The following TNR variants were observed in gnomAD, a reference collection of about 807,000 sequenced individuals.
TNR encodes tenascin-R.
A neutral mutation model predicts 150.4 loss-of-function variants in TNR; 45 were observed. The observed-to-expected ratio is 0.30, with a 90% CI of 0.24 to 0.38. The LOEUF (loss-of-function observed/expected upper bound fraction) is 0.38. Ranked by LOEUF, TNR falls within the 10% of genes least tolerant of loss-of-function variation. The pLI, the probability that TNR is intolerant of heterozygous loss-of-function variation, is 1.00. For missense variants in TNR, 1,544 were observed against 1,759.1 expected (o/e 0.88, Z 2.19); for synonymous variants, 687 against 678.4 (o/e 1.01, Z -0.20).
intron 4 of TNR, among the ~76,000 whole-genome samples, chr1:175,398,297 A>T (rs1417499005): frequency 6.6e-6 from 1 of 152,260 alleles, no homozygotes; most frequent in Admixed American, 6.5e-5. Context: ...AACAGTCTAG[A>T]AAGCAGAGCT....
chr1:175,726,152 G>T (rs1489179504), intron 1 of TNR, among the ~76,000 whole-genome samples: 1 of 152,048 alleles, frequency 6.6e-6, no homozygotes, highest in Non-Finnish European at 1.5e-5. Context: ...GTGCTATTGG[G>T]TATGCTAAAG....
At chr1:175,407,962 A>G (rs1654033485) in intron 2 of TNR, among the ~76,000 whole-genome samples, 1 of 152,208 alleles carries the variant, frequency 6.6e-6, no homozygotes, top group Non-Finnish European at 1.5e-5. Context: ...TCCCAGGAAT[A>G]TCGCGATTAG....
intron 1 of TNR, among the ~76,000 whole-genome samples, chr1:175,572,665 C>T (rs1170246850): frequency 6.6e-6 from 1 of 151,292 alleles, no homozygotes; most frequent in Non-Finnish European, 1.5e-5. Flanking sequence ...ATACATATAC[C>T]ATAATATAAT....
chr1:175,428,515 C>G (rs771261323), intron 2 of TNR, among the ~76,000 whole-genome samples: 1 of 152,094 alleles, frequency 6.6e-6, no homozygotes, highest in Non-Finnish European at 1.5e-5. Context: ...TTCTAAGCAA[C>G]CCTGGAAGTC....
At chr1:175,702,989 G>A (rs939215378) in intron 1 of TNR, among the ~76,000 whole-genome samples, 22 of 151,652 alleles carry the variant, frequency 1.5e-4, no homozygotes, top group African/African-American at 4.6e-4. Context: ...CTTAGCATCT[G>A]CTCTATACAG....
chr1:175,361,364 T>G (rs1651578606), intron 14 of TNR, among the ~76,000 whole-genome samples: 1 of 152,210 alleles, frequency 6.6e-6, no homozygotes, highest in Non-Finnish European at 1.5e-5. Context: ...GAAGGTGGGA[T>G]AGAGGCTTCT....
intron 18 of TNR, among the ~76,000 whole-genome samples, chr1:175,353,705 G>A (rs1651173178): frequency 1.3e-5 from 2 of 152,230 alleles, no homozygotes; most frequent in Non-Finnish European, 2.9e-5. Context: ...CAGGTTTAAT[G>A]TTGAGGGTTT....
chr1:175,568,378 G>A (rs530233003), intron 1 of TNR, among the ~76,000 whole-genome samples: 79 of 152,034 alleles, frequency 5.2e-4, no homozygotes, highest in African/African-American at 1.9e-3. Context: ...AGAGCCTCGG[G>A]CCCATGAAAC....
At chr1:175,502,544 G>A (rs1658782732) in intron 2 of TNR, among the ~76,000 whole-genome samples, 1 of 152,114 alleles carries the variant, frequency 6.6e-6, no homozygotes, top group Non-Finnish European at 1.5e-5. Context: ...CTCAGTTAAA[G>A]CCACATACAA....
intron 5 of TNR, 129 bp downstream of exon 5, chr1:175,396,415 C>T: frequency 2.4e-6 from 3 of 1,226,028 alleles, no homozygotes; most frequent in Non-Finnish European, 3.4e-6. Flanking sequence ...ATCTCTAGCC[C>T]TTCCCCTCAA....
At chr1:175,715,242 C>A (rs1462941393) in intron 1 of TNR, among the ~76,000 whole-genome samples, 2 of 152,184 alleles carry the variant, frequency 1.3e-5, no homozygotes, top group Admixed American at 6.5e-5. Flanking sequence ...GCTCTCAGTA[C>A]CCATTCCATG....
chr1:175,428,718 A>G (rs1309000248), intron 2 of TNR, among the ~76,000 whole-genome samples: 1 of 152,188 alleles, frequency 6.6e-6, no homozygotes, highest in East Asian at 1.9e-4. Context: ...ACTCAAATAC[A>G]AATCTCTTTA....
Position 175,370,338 on chromosome 1 carries a change from C to CTTTTTTTTTTTTT in TNR, c.1964-3054_1964-3042dup, listed in dbSNP as rs55795922. 1.0e-3 allele frequency among the ~76,000 whole-genome samples: 43 copies of CTTTTTTTTTTTTT among 42,970 alleles called. 6 individuals carry two copies. The highest frequency in any genetic ancestry group is 2.3e-3 in the African/African-American group (27 of 11,800). 28.2% of individuals were successfully genotyped at this position (42,970 alleles called of 152,430 possible). A position where few individuals can be genotyped will look rare whatever the true frequency, so the allele number is the denominator to read the frequency against. ...GAGAACTATTCCTGGATTTTGAGTA[C>CTTTTTTTTTTTTT]TTTTTTTTTTTTTTTTTTTTTTTTT... On this transcript the variant is annotated intron_variant, in intron 9 of 22. Transcript: ENST00000367674.
chr1:175,621,054 G>T (rs1410348260), intron 1 of TNR, among the ~76,000 whole-genome samples: 1 of 152,088 alleles, frequency 6.6e-6, no homozygotes, highest in Non-Finnish European at 1.5e-5. Flanking sequence ...CTTTGCTATC[G>T]CTCTTGCCTT....
At chr1:175,707,151 T>G (rs16848992) in intron 1 of TNR, among the ~76,000 whole-genome samples, 9,020 of 152,272 alleles carry the variant, frequency 0.059, 346 homozygotes, top group East Asian at 0.17. Context: ...ATTTCAAAAA[T>G]AGACATATGC....
At chr1:175,507,290 T>C (rs902799230) in intron 2 of TNR, among the ~76,000 whole-genome samples, 3 of 152,218 alleles carry the variant, frequency 2.0e-5, no homozygotes, top group Admixed American at 2.0e-4. Flanking sequence ...CTGGGAATCC[T>C]GATTTCAAGG....
At chr1:175,636,945 T>C (rs1664508266) in intron 1 of TNR, among the ~76,000 whole-genome samples, 2 of 152,256 alleles carry the variant, frequency 1.3e-5, no homozygotes, top group Non-Finnish European at 2.9e-5. Flanking sequence ...ACTCAATTTA[T>C]ACCAATAATG....
chr1:175,455,906 T>A (rs900386051), intron 2 of TNR, among the ~76,000 whole-genome samples: 10 of 152,160 alleles, frequency 6.6e-5, no homozygotes, highest in Non-Finnish European at 1.5e-4. Context: ...ACCACATAAT[T>A]TGTCATCTAA....
At chr1:175,397,415 G>A (rs1480183111) in intron 4 of TNR, among the ~76,000 whole-genome samples, 1 of 152,212 alleles carries the variant, frequency 6.6e-6, no homozygotes, top group Non-Finnish European at 1.5e-5. Context: ...TAGGGAGCCA[G>A]GTTGTTAGGT....
Sources: allele counts gnomAD v4.1 joint callset (sites outside exome capture counted in the v4.1 genomes callset), GRCh38; gene constraint gnomAD v4.1.1; transcripts MANE v1.5; gene names NCBI Gene and HGNC (gene_info 2026-07-23, HGNC 2026-07-21).